The following PABPC4L variants were observed in gnomAD, a reference collection of about 807,000 sequenced individuals.
PABPC4L encodes the protein poly(A) binding protein cytoplasmic 4 like.
For missense variants in PABPC4L, 452 were observed against 451.4 expected, an observed-to-expected ratio of 1.00 and a Z score of -0.01; for synonymous variants, 169 against 164.1, an observed-to-expected ratio of 1.03 and a Z score of -0.23.
At chr4:134,066,355 G>A in the PABPC4L span, among the ~76,000 whole-genome samples, 1 of 152,042 alleles carries the variant, frequency 6.6e-6, no homozygotes, top group Non-Finnish European at 1.5e-5. Flanking sequence ...GATGTTGCTT[G>A]TATAAAGAAA....
the PABPC4L span, among the ~76,000 whole-genome samples, chr4:134,153,810 GTTTTTTTTTT>G: frequency 1.3e-5 from 1 of 77,582 alleles, no homozygotes; most frequent in African/African-American, 5.4e-5. Flanking sequence ...CCTATGCCTA[GTTTTTTTTTT>G]TTTTTTTTTT....
chr4:134,010,819 G>C, the PABPC4L span: 1 of 152,100 alleles, frequency 6.6e-6, no homozygotes, highest in Non-Finnish European at 1.5e-5. Context: ...TTGAAGTACT[G>C]TTTCCAGATA....
the PABPC4L span, among the ~76,000 whole-genome samples, chr4:134,018,835 G>C: frequency 2.0e-5 from 3 of 152,050 alleles, no homozygotes; most frequent in Non-Finnish European, 4.4e-5. Flanking sequence ...TGAAACTACA[G>C]ATGGCTTCAA....
chr4:134,068,363 A>G, the PABPC4L span, among the ~76,000 whole-genome samples: 1 of 151,816 alleles, frequency 6.6e-6, no homozygotes, highest in Non-Finnish European at 1.5e-5. Context: ...TCTTTTCTCC[A>G]TTTGGTTGGG....
At chr4:134,002,772 T>C in the PABPC4L span, among the ~76,000 whole-genome samples, 1 of 152,022 alleles carries the variant, frequency 6.6e-6, no homozygotes, top group South Asian at 2.1e-4. Flanking sequence ...ACAAGAGAAA[T>C]CATGGCTCAG....
chr4:134,195,597 T>C (rs1334812024), downstream of PABPC4L, among the ~76,000 whole-genome samples: 1 of 151,772 alleles, frequency 6.6e-6, no homozygotes, highest in African/African-American at 2.4e-5. Context: ...GGAATATCAT[T>C]GTACAAATTA....
chr4:134,071,725 C>T, the PABPC4L span, among the ~76,000 whole-genome samples: 5 of 152,104 alleles, frequency 3.3e-5, no homozygotes, highest in Non-Finnish European at 7.4e-5. Flanking sequence ...TTGGGTTAGA[C>T]ATTTTAATAC....
At chr4:133,987,484 C>T in the PABPC4L span, among the ~76,000 whole-genome samples, 2 of 152,008 alleles carry the variant, frequency 1.3e-5, no homozygotes, top group African/African-American at 4.8e-5. Context: ...TGTCTATTTC[C>T]AATTAACTCT....
At chr4:134,018,213 C>A in the PABPC4L span, among the ~76,000 whole-genome samples, 1 of 152,042 alleles carries the variant, frequency 6.6e-6, no homozygotes, top group Non-Finnish European at 1.5e-5. Context: ...AGAACAACCC[C>A]CCTTTGACTG....
the PABPC4L span, among the ~76,000 whole-genome samples, chr4:134,053,973 A>G: frequency 6.6e-6 from 1 of 151,732 alleles, no homozygotes; most frequent in East Asian, 1.9e-4. Flanking sequence ...CAAAATCCCA[A>G]TTGTAAATGA....
At chr4:133,985,020 C>T in the PABPC4L span, among the ~76,000 whole-genome samples, 1 of 151,924 alleles carries the variant, frequency 6.6e-6, no homozygotes, top group Non-Finnish European at 1.5e-5. Flanking sequence ...AATAAAGTAT[C>T]TACCACTACT....
the PABPC4L span, among the ~76,000 whole-genome samples, chr4:134,026,824 CAG>C: frequency 6.6e-6 from 1 of 152,072 alleles, no homozygotes; most frequent in Non-Finnish European, 1.5e-5. Flanking sequence ...AAGATGAAAA[CAG>C]AGGTCTACGA....
chr4:134,106,225 C>T, the PABPC4L span, among the ~76,000 whole-genome samples: 1 of 151,606 alleles, frequency 6.6e-6, no homozygotes, highest in Non-Finnish European at 1.5e-5. Context: ...CCCTGACTAT[C>T]ATGCTCCTGG....
chr4:134,108,802 A>G, the PABPC4L span, among the ~76,000 whole-genome samples: 3 of 151,872 alleles, frequency 2.0e-5, no homozygotes, highest in African/African-American at 7.2e-5. Flanking sequence ...CTATAAAAAC[A>G]GACCATTTTG....
the PABPC4L span, among the ~76,000 whole-genome samples, chr4:134,178,629 C>T: frequency 1.3e-5 from 2 of 151,916 alleles, no homozygotes; most frequent in Admixed American, 6.6e-5. Context: ...GAAACCCAAA[C>T]CAAGAAATCT....
the PABPC4L span, among the ~76,000 whole-genome samples, chr4:134,017,873 A>G: frequency 6.6e-6 from 1 of 151,998 alleles, no homozygotes; most frequent in Non-Finnish European, 1.5e-5. Flanking sequence ...CCTGAGAAAC[A>G]TCACCCATTA....
At chr4:134,175,401 ATAATT>A in the PABPC4L span, among the ~76,000 whole-genome samples, 801 of 151,880 alleles carry the variant, frequency 5.3e-3, 11 homozygotes, top group African/African-American at 0.019. Flanking sequence ...CCTTTTTTTA[ATAATT>A]TAATTTAATT....
At chr4:133,992,851 C>A in the PABPC4L span, among the ~76,000 whole-genome samples, 1 of 152,062 alleles carries the variant, frequency 6.6e-6, no homozygotes, top group Non-Finnish European at 1.5e-5. Flanking sequence ...GTCAGCATCC[C>A]CCAGGTGATG....
the PABPC4L span, among the ~76,000 whole-genome samples, chr4:134,173,598 G>A: frequency 4.0e-5 from 6 of 151,828 alleles, no homozygotes; most frequent in African/African-American, 9.7e-5. Context: ...ATGGTAAATG[G>A]GTACAAAAAT....
Sources: gnomAD v4.1 joint callset for allele counts (sites outside exome capture counted in the v4.1 genomes callset) on GRCh38, gnomAD v4.1.1 for gene constraint, MANE v1.5 for transcripts, NCBI Gene and HGNC (gene_info 2026-07-23, HGNC 2026-07-21) for gene names.